The following NPLOC4 variants were observed in gnomAD, a reference collection of about 807,000 sequenced individuals.
NPLOC4 encodes nuclear protein localization protein 4 homolog.
Under a neutral mutation model 80.6 loss-of-function variants are expected in NPLOC4, and 18 were observed. That is an observed-to-expected ratio of 0.22 (90% confidence interval 0.15 to 0.33). NPLOC4 has a LOEUF of 0.33. NPLOC4 is among the 10% of genes least tolerant of loss of function. The probability of loss-of-function intolerance (pLI) is 1.00; values close to 1 mark genes in which losing one functional copy is unlikely to be tolerated. For missense variants in NPLOC4, 540 were observed against 786.1 expected (o/e 0.69, Z 3.74); for synonymous variants, 313 against 301.5 (o/e 1.04, Z -0.39).
At chr17:81,591,080 G>T (rs1025139508) in intron 11 of NPLOC4, among the ~76,000 whole-genome samples, 1 of 152,178 alleles carries the variant, frequency 6.6e-6, no homozygotes, top group Non-Finnish European at 1.5e-5. Context: ...AGGGAGCAGA[G>T]GCAAAGGCTG....
chr17:81,622,916 C>G (rs1388657652), intron 2 of NPLOC4, among the ~76,000 whole-genome samples: 1 of 151,994 alleles, frequency 6.6e-6, no homozygotes, highest in Non-Finnish European at 1.5e-5. Flanking sequence ...AATTCCAGGC[C>G]AGGCGTGGTG....
chr17:81,629,164 C>A (rs925939637), intron 2 of NPLOC4, among the ~76,000 whole-genome samples: 2 of 149,996 alleles, frequency 1.3e-5, no homozygotes, highest in Non-Finnish European at 2.9e-5. Flanking sequence ...AGGCGTCAGC[C>A]ACTGCGCCTG....
At position 81,637,071 on chromosome 17, in the gene NPLOC4, C is replaced by T. The variant is rs2036103369; in HGVS notation, c.-141G>A. ...CACCGCCGCTCCAGCTTCGCCCGCC[C>T]GGCTCCGCCAGCCGCCGACGTCCCG... On this transcript the variant is annotated 5_prime_UTR_variant, in exon 1 of 17. Transcript: ENST00000331134. 2.4e-6 allele frequency: 1 copy of T among 414,684 alleles called. No homozygotes were observed. The highest frequency in any genetic ancestry group is 3.8e-6 in the Non-Finnish European group (1 of 261,182). 25.7% of individuals were successfully genotyped at this position (414,684 alleles called of 1,614,324 possible). A position where few individuals can be genotyped will look rare whatever the true frequency, so the allele number is the denominator to read the frequency against.
intron 2 of NPLOC4, among the ~76,000 whole-genome samples, chr17:81,629,290 C>T (rs1810597878): frequency 6.7e-6 from 1 of 148,562 alleles, no homozygotes; most frequent in Non-Finnish European, 1.5e-5. Flanking sequence ...CCTTCTGAGT[C>T]AAGCAATTCT....
intron 16 of NPLOC4, chr17:81,565,251 T>G (rs2033973641): frequency 8.9e-6 from 6 of 677,188 alleles, no homozygotes; most frequent in Non-Finnish European, 1.6e-5. Flanking sequence ...GTATCTCTGA[T>G]GTACAGGTTT....
intron 16 of NPLOC4, chr17:81,561,656 C>CATG (rs2033853569): frequency 6.6e-6 from 1 of 152,150 alleles, no homozygotes; most frequent in African/African-American, 2.4e-5. Context: ...AATCATGGCT[C>CATG]ACTGTGACCT....
intron 12 of NPLOC4, among the ~76,000 whole-genome samples, chr17:81,585,832 CAA>C (rs1471774199): frequency 6.6e-6 from 1 of 151,366 alleles, no homozygotes; most frequent in East Asian, 2.0e-4. Flanking sequence ...ACTAAAAATA[CAA>C]AAGAGTTAGG....
At chr17:81,618,378 G>T (rs1166988995) in intron 3 of NPLOC4, among the ~76,000 whole-genome samples, 2 of 148,750 alleles carry the variant, frequency 1.3e-5, no homozygotes, top group African/African-American at 2.5e-5. Flanking sequence ...GAGCGTCTCT[G>T]CCTGGCCGCC....
At chr17:81,615,194 G>T (rs556628797) in intron 3 of NPLOC4, among the ~76,000 whole-genome samples, 1 of 150,160 alleles carries the variant, frequency 6.7e-6, no homozygotes, top group East Asian at 2.0e-4. Flanking sequence ...GCATCTCACG[G>T]GTTTAAGCGA....
At chr17:81,578,213 C>T (rs1020423627) in intron 12 of NPLOC4, among the ~76,000 whole-genome samples, 50 of 152,198 alleles carry the variant, frequency 3.3e-4, no homozygotes, top group African/African-American at 1.2e-3. Flanking sequence ...CACCACAAGC[C>T]ACTCCAGCTA....
chr17:81,621,470 G>A (rs770944554), intron 3 of NPLOC4, among the ~76,000 whole-genome samples: 12 of 152,160 alleles, frequency 7.9e-5, no homozygotes, highest in Non-Finnish European at 1.5e-4. Flanking sequence ...AACCTGCAGC[G>A]TCGAGAGGAA....
intron 1 of NPLOC4, among the ~76,000 whole-genome samples, chr17:81,633,380 A>G (rs2035981402): frequency 6.6e-6 from 1 of 152,190 alleles, no homozygotes; most frequent in Non-Finnish European, 1.5e-5. Flanking sequence ...TGTTACCGCC[A>G]TTCTTTACAG....
At position 81,557,134 on chromosome 17, in the gene NPLOC4, G is replaced by C. The variant is rs142071257; in HGVS notation, c.*2125C>G. 281 of 152,372 alleles carry C rather than the reference G, an allele frequency of 1.8e-3. 3 individuals carry two copies. The highest frequency in any genetic ancestry group is 6.3e-3 in the African/African-American group (262 of 41,572). The allele number at this position is 152,372 out of a possible 1,614,324, so 9.4% of individuals were successfully genotyped here. A position where few individuals can be genotyped will look rare whatever the true frequency, so the allele number is the denominator to read the frequency against. Reference sequence around the variant, plus strand: ...CCCCCACTGGATTATGGTGCTGGTAGCATGAGAGGGTGTGTCCACACCAAG... The same window carrying C: ...CCCCCACTGGATTATGGTGCTGGTACCATGAGAGGGTGTGTCCACACCAAG... On this transcript the variant is annotated 3_prime_UTR_variant, in exon 17 of 17. Transcript: ENST00000331134.
At chr17:81,597,432 C>T (rs573208150) in intron 9 of NPLOC4, 116 bp from the exon 10 acceptor site, 7 of 778,828 alleles carry the variant, frequency 9.0e-6, no homozygotes, top group South Asian at 2.9e-5. Flanking sequence ...AGGAGAATCA[C>T]GAGGTTAAGA....
In NPLOC4 at chr17:81,559,152, C is replaced by T; in HGVS notation, c.*107G>A. 7.7e-7 allele frequency: 1 copy of T among 1,293,676 alleles called. No individual in the cohort carries two copies. Among genetic ancestry groups the T allele is most frequent in the Non-Finnish European group, 1.0e-6 (1 of 961,060 alleles). The allele number at this position is 1,293,676 out of a possible 1,614,324, so 80.1% of individuals were successfully genotyped here. On this transcript the variant is annotated 3_prime_UTR_variant, in exon 17 of 17. Transcript: ENST00000331134. ...CCAGGACAGCCAGCCCCTTGTTCCT[C>T]CAGGGCTGCCCACTATGGGGCAGTT...
chr17:81,592,559 G>C (rs1183414145), intron 11 of NPLOC4, among the ~76,000 whole-genome samples: 3 of 152,120 alleles, frequency 2.0e-5, no homozygotes, highest in Non-Finnish European at 2.9e-5. Context: ...AAAAGCCCAA[G>C]GATGATCTAT....
intron 8 of NPLOC4, among the ~76,000 whole-genome samples, chr17:81,604,233 A>C (rs1244208474): frequency 1.3e-5 from 2 of 152,168 alleles, no homozygotes; most frequent in Non-Finnish European, 1.5e-5. Flanking sequence ...ACAGAATGAC[A>C]CAAGGACTGA....
chr17:81,585,578 C>A (rs112612275), intron 12 of NPLOC4, among the ~76,000 whole-genome samples: 58,247 of 150,150 alleles, frequency 0.39, 13,254 homozygotes, highest in Non-Finnish European at 0.52. Flanking sequence ...AGGAGAATCG[C>A]AGAACTCAGG....
At chr17:81,629,978 G>C in intron 1 of NPLOC4, 173 bp from the exon 2 acceptor site, 1 of 567,980 alleles carries the variant, frequency 1.8e-6, no homozygotes, top group Non-Finnish European at 3.1e-6. Flanking sequence ...GCCGAGGGGT[G>C]AGATTCATCA....
Sources: gnomAD v4.1 joint callset for allele counts (sites outside exome capture counted in the v4.1 genomes callset) on GRCh38, gnomAD v4.1.1 for gene constraint, MANE v1.5 for transcripts, NCBI Gene and HGNC (gene_info 2026-07-23, HGNC 2026-07-21) for gene names.